The following PRICKLE1 variants were observed in gnomAD, a reference collection of about 807,000 sequenced individuals.
PRICKLE1 encodes prickle-like protein 1.
A neutral mutation model predicts 70.2 loss-of-function variants in PRICKLE1; 14 were observed. The ratio of observed to expected loss-of-function variants is 0.20; its 90% CI spans 0.13 to 0.31. PRICKLE1 has a LOEUF of 0.31. Among genes scored for constraint, PRICKLE1 ranks in the 10% least tolerant of loss-of-function variants. PRICKLE1 has a pLI of 1.00. For missense variants in PRICKLE1, 821 were observed against 1,026.2 expected (o/e 0.80, Z 2.73); for synonymous variants, 357 against 379.9 (o/e 0.94, Z 0.70).
chr12:42,510,739 G>A (rs1293698033), intron 1 of PRICKLE1, among the ~76,000 whole-genome samples: 1 of 152,060 alleles, frequency 6.6e-6, no homozygotes, highest in East Asian at 1.9e-4. Context: ...TTGCATCTTC[G>A]TAAAAATGGA....
At chr12:42,531,661 G>C (rs1292288257) in intron 1 of PRICKLE1, among the ~76,000 whole-genome samples, 1 of 152,094 alleles carries the variant, frequency 6.6e-6, no homozygotes, top group Non-Finnish European at 1.5e-5. Flanking sequence ...GGACAACTCA[G>C]AGTTGACTTT....
At chr12:42,471,200 C>T (rs185136689) in intron 2 of PRICKLE1, among the ~76,000 whole-genome samples, 216 of 152,312 alleles carry the variant, frequency 1.4e-3, no homozygotes, top group African/African-American at 4.8e-3. Context: ...TCAGCCTCCC[C>T]AGGCAAACTG....
At chr12:42,469,918 C>A in intron 3 of PRICKLE1, 1 of 491,480 alleles carries the variant, frequency 2.0e-6, no homozygotes, top group Non-Finnish European at 3.7e-6. Flanking sequence ...ATTCTACATG[C>A]ACTCAACTCA....
At chr12:42,562,966 T>A (rs1191085672) in intron 1 of PRICKLE1, among the ~76,000 whole-genome samples, 1 of 151,488 alleles carries the variant, frequency 6.6e-6, no homozygotes, top group Non-Finnish European at 1.5e-5. Context: ...GAGGCGGGCC[T>A]GAGGTCAGGA....
At position 42,456,820 on chromosome 12, in the gene PRICKLE1, T is replaced by G. The variant is rs1438473148; in HGVS notation, c.*2989A>C. 1.3e-5 allele frequency: 2 copies of G among 152,220 alleles called. No homozygotes were observed. The highest frequency in any genetic ancestry group is 4.8e-5 in the African/African-American group (2 of 41,454). 9.4% of individuals were successfully genotyped at this position (152,220 alleles called of 1,614,324 possible). A position where few individuals can be genotyped will look rare whatever the true frequency, so the allele number is the denominator to read the frequency against. ...CAGAACTGTAAGGCAGTTGCTTCTT[T>G]CTTCCGTTGTAGATAGTCTTCTGTT... On this transcript the variant is annotated 3_prime_UTR_variant, in exon 8 of 8. Transcript: ENST00000345127.
Position 42,466,127 on chromosome 12 carries a change from A to C in PRICKLE1, c.775+67T>G, listed in dbSNP as rs937541040. On this transcript the variant is annotated intron_variant, in intron 6 of 7. Coordinates refer to ENST00000345127, the MANE Select transcript of PRICKLE1 (RefSeq NM_153026.3). ...TTTAAAAAACAGAAAAAGAAAAAATAAGACTGGATAATCCAAGACAGACTA... is the reference window on the plus strand; with the variant it reads ...TTTAAAAAACAGAAAAAGAAAAAATCAGACTGGATAATCCAAGACAGACTA... 18 of 1,536,676 alleles carry C rather than the reference A, an allele frequency of 1.2e-5. No homozygotes were observed. In the Admixed American group the frequency reaches 3.0e-4, roughly 26 times the overall value.
chr12:42,510,925 A>G (rs1939501091), intron 1 of PRICKLE1, among the ~76,000 whole-genome samples: 2 of 152,240 alleles, frequency 1.3e-5, no homozygotes, highest in Admixed American at 1.3e-4. Context: ...GTTTCACACC[A>G]GGGTCCCAAG....
At chr12:42,507,239 G>A (rs1425521636) in intron 1 of PRICKLE1, among the ~76,000 whole-genome samples, 1 of 152,102 alleles carries the variant, frequency 6.6e-6, no homozygotes, top group East Asian at 1.9e-4. Context: ...TTAGTGTTCC[G>A]GCACACGGAC....
At chr12:42,523,268 AT>A (rs958994672) in intron 1 of PRICKLE1, among the ~76,000 whole-genome samples, 3 of 152,172 alleles carry the variant, frequency 2.0e-5, no homozygotes, top group Non-Finnish European at 2.9e-5. Flanking sequence ...CGTCCAGCCA[AT>A]TTTTTGTTTC....
intron 2 of PRICKLE1, among the ~76,000 whole-genome samples, chr12:42,471,451 T>C (rs1292976973): frequency 6.6e-6 from 1 of 152,220 alleles, no homozygotes; most frequent in Non-Finnish European, 1.5e-5. Flanking sequence ...GGATTCTCTC[T>C]AAGTAGTTTG....
rs561368128 is a variant in PRICKLE1 at position 42,589,522 on chromosome 12, T to TGGGCTGCGGGGCTGCGGGGCTGCG, written c.-107_-106insCGCAGCCCCGCAGCCCCGCAGCCC. 1 of 154,010 alleles carries TGGGCTGCGGGGCTGCGGGGCTGCG rather than the reference T, an allele frequency of 6.5e-6. No homozygotes were observed. Among genetic ancestry groups the TGGGCTGCGGGGCTGCGGGGCTGCG allele is most frequent in the Admixed American group, 6.6e-5 (1 of 15,260 alleles). 9.5% of individuals were successfully genotyped at this position (154,010 alleles called of 1,614,324 possible). On this transcript the variant is annotated 5_prime_UTR_variant, in exon 1 of 8. Coordinates refer to ENST00000345127, the MANE Select transcript of PRICKLE1 (RefSeq NM_153026.3). The surrounding 1 kb of genome is among the most constrained non-coding windows in gnomAD (Gnocchi z 5.0). ...GTCCTCGGCGCCGCTGCGGGGCTGC[T>TGGGCTGCGGGGCTGCGGGGCTGCG]GGGCTGCGGGGCTGCGGGGCTGAGG...
intron 1 of PRICKLE1, among the ~76,000 whole-genome samples, chr12:42,568,768 C>T (rs997168139): frequency 1.3e-5 from 2 of 152,162 alleles, no homozygotes; most frequent in African/African-American, 4.8e-5. Context: ...GAAGTCTAGT[C>T]TTTTAGTGTA....
intron 1 of PRICKLE1, among the ~76,000 whole-genome samples, chr12:42,530,440 A>G (rs1444531780): frequency 1.2e-4 from 19 of 152,114 alleles, no homozygotes; most frequent in Non-Finnish European, 1.5e-5. Context: ...TAAATCCTCA[A>G]TAACACTATA....
intron 1 of PRICKLE1, among the ~76,000 whole-genome samples, chr12:42,560,997 T>C (rs1330671496): frequency 2.0e-5 from 3 of 152,336 alleles, no homozygotes; most frequent in Non-Finnish European, 4.4e-5. Context: ...CCTTCCCTCT[T>C]CCTTGAGGCA....
intron 2 of PRICKLE1, 22 bp from the exon 3 acceptor site, chr12:42,470,381 T>C (rs1246144698): frequency 1.4e-6 from 2 of 1,447,016 alleles, no homozygotes; most frequent in South Asian, 2.3e-5. Flanking sequence ...ACAGTGAGAA[T>C]GGCATCAACA....
At chr12:42,475,562 G>T (rs1237788737) in intron 1 of PRICKLE1, among the ~76,000 whole-genome samples, 1 of 152,114 alleles carries the variant, frequency 6.6e-6, no homozygotes, top group East Asian at 1.9e-4. Flanking sequence ...AATCAGCCAA[G>T]CTACCTGCGC....
intron 1 of PRICKLE1, among the ~76,000 whole-genome samples, chr12:42,529,721 G>T (rs371414543): frequency 2.0e-5 from 3 of 151,874 alleles, no homozygotes; most frequent in Non-Finnish European, 4.4e-5. Context: ...GTGGTAAAAC[G>T]CCATCTCTAC....
chr12:42,461,267 T>C (rs991098171), intron 7 of PRICKLE1, among the ~76,000 whole-genome samples: 7 of 152,188 alleles, frequency 4.6e-5, no homozygotes, highest in African/African-American at 1.4e-4. Flanking sequence ...CTTTAAGAGC[T>C]CTTCACAGCA....
At chr12:42,538,660 A>G (rs1163729188) in intron 1 of PRICKLE1, among the ~76,000 whole-genome samples, 3 of 152,076 alleles carry the variant, frequency 2.0e-5, no homozygotes, top group African/African-American at 7.2e-5. Flanking sequence ...TTAATGCCCT[A>G]ATAGTTTGAT....
Sources: allele counts gnomAD v4.1 joint callset (sites outside exome capture counted in the v4.1 genomes callset), GRCh38; gene constraint gnomAD v4.1.1; non-coding constraint Gnocchi (gnomAD v3.1); transcripts MANE v1.5; gene names NCBI Gene and HGNC (gene_info 2026-07-23, HGNC 2026-07-21).